DLG2: variants seen among roughly 807,000 people sequenced by gnomAD.
DLG2 encodes disks large homolog 2.
DLG2 carries 45 observed loss-of-function variants against 132.5 expected under a neutral mutation model. The observed-to-expected ratio is 0.34, with a 90% CI of 0.27 to 0.44. DLG2 has a LOEUF of 0.44. DLG2 is among the 20% of genes least tolerant of loss of function. The pLI is 1.00. For synonymous variants in DLG2, 424 were observed against 419.6 expected (o/e 1.01, Z -0.13); for missense variants, 1,045 against 1,196.9 (o/e 0.87, Z 1.87).
At chr11:85,593,862 T>C (rs2079542677) in intron 3 of DLG2, among the ~76,000 whole-genome samples, 3 of 152,196 alleles carry the variant, frequency 2.0e-5, no homozygotes, top group Admixed American at 2.0e-4. Context: ...ACCATCATTA[T>C]AATTGAATAA....
At position 84,006,410 on chromosome 11, in the gene DLG2, G is replaced by A. The variant is rs76213376; in HGVS notation, c.920-25768C>T. 6.3e-4 allele frequency among the ~76,000 whole-genome samples: 96 copies of A among 151,628 alleles called. 1 individual carries two copies. The East Asian group carries it at 0.016, about 25-fold the overall frequency. ...TGGCTATAGTTAAAAACAATGTATT[G>A]TACATTTCAAAGTAGCTAGAAGAGA... On this transcript the variant is annotated intron_variant, in intron 11 of 27. Coordinates refer to ENST00000376104, the MANE Select transcript of DLG2 (RefSeq NM_001142699.3).
intron 7 of DLG2, among the ~76,000 whole-genome samples, chr11:84,287,904 T>C (rs2097929089): frequency 6.6e-6 from 1 of 152,022 alleles, no homozygotes; most frequent in African/African-American, 2.4e-5. Context: ...CTTGGATTAC[T>C]AGTGCATGGA....
At chr11:83,588,781 A>G (rs945342885) in intron 19 of DLG2, among the ~76,000 whole-genome samples, 3 of 152,126 alleles carry the variant, frequency 2.0e-5, no homozygotes, top group African/African-American at 7.2e-5. Context: ...TAACCAATAC[A>G]GAGAAGTGCT....
chr11:84,545,508 T>C, intron 6 of DLG2: 1 of 403,762 alleles, frequency 2.5e-6, no homozygotes, highest in Non-Finnish European at 4.8e-6. Flanking sequence ...TTGGCTTCTT[T>C]GGCTCAATGA....
intron 18 of DLG2, among the ~76,000 whole-genome samples, chr11:83,706,156 T>G (rs1239618310): frequency 1.3e-5 from 2 of 151,052 alleles, no homozygotes; most frequent in Non-Finnish European, 2.9e-5. Context: ...AGGCAGAGGT[T>G]GCAGTGAGCT....
intron 5 of DLG2, among the ~76,000 whole-genome samples, chr11:85,147,999 T>C (rs979121696): frequency 4.0e-5 from 6 of 151,870 alleles, no homozygotes; most frequent in African/African-American, 1.2e-4. Context: ...TGAGAACTTG[T>C]GTTGTTTGGT....
intron 6 of DLG2, among the ~76,000 whole-genome samples, chr11:84,539,421 C>T (rs1479598007): frequency 1.3e-5 from 2 of 152,150 alleles, no homozygotes; most frequent in African/African-American, 2.4e-5. Flanking sequence ...CATTCCAAGG[C>T]TTGTCTGGTA....
intron 11 of DLG2, among the ~76,000 whole-genome samples, chr11:84,014,231 G>C (rs1013992499): frequency 6.6e-6 from 1 of 152,092 alleles, no homozygotes; most frequent in East Asian, 1.9e-4. Context: ...TCTATAAAAT[G>C]TAAGGTGAAT....
intron 7 of DLG2, among the ~76,000 whole-genome samples, chr11:84,494,194 TTG>T (rs1204596676): frequency 6.6e-6 from 1 of 152,146 alleles, no homozygotes; most frequent in Admixed American, 6.6e-5. Flanking sequence ...CAAACATTTC[TTG>T]TGTGTGGTCA....
intron 9 of DLG2, among the ~76,000 whole-genome samples, chr11:84,115,778 C>T (rs1272052686): frequency 1.3e-5 from 2 of 152,154 alleles, no homozygotes; most frequent in East Asian, 3.8e-4. Context: ...TCTTATCACC[C>T]TATTATTTTC....
At chr11:84,262,777 GT>G (rs2097564149) in intron 7 of DLG2, among the ~76,000 whole-genome samples, 1 of 152,200 alleles carries the variant, frequency 6.6e-6, no homozygotes, top group African/African-American at 2.4e-5. Flanking sequence ...AACATACAAT[GT>G]TTGGTTTTCC....
chr11:85,523,926 T>C (rs768084039), intron 3 of DLG2, among the ~76,000 whole-genome samples: 10 of 152,154 alleles, frequency 6.6e-5, no homozygotes, highest in Admixed American at 3.9e-4. Context: ...ATCATGTCAT[T>C]TGCACCAATA....
chr11:84,273,243 T>G, intron 7 of DLG2: 1 of 1,551,298 alleles, frequency 6.4e-7, no homozygotes, highest in Non-Finnish European at 8.7e-7. Flanking sequence ...CGAGAAACAC[T>G]TGGCCGTTGC....
intron 6 of DLG2, among the ~76,000 whole-genome samples, chr11:85,039,063 TA>T (rs2061635558): frequency 6.6e-6 from 1 of 152,008 alleles, no homozygotes; most frequent in South Asian, 2.1e-4. Flanking sequence ...AAATCACTTC[TA>T]AAGAGATTTT....
chr11:84,768,648 G>A (rs929966441), intron 6 of DLG2, among the ~76,000 whole-genome samples: 2 of 152,050 alleles, frequency 1.3e-5, no homozygotes, highest in African/African-American at 4.8e-5. Context: ...TCAAAGTAAA[G>A]GAGCCTGGAG....
At chr11:85,125,741 C>T (rs2075018043) in intron 5 of DLG2, among the ~76,000 whole-genome samples, 1 of 151,662 alleles carries the variant, frequency 6.6e-6, no homozygotes, top group Non-Finnish European at 1.5e-5. Context: ...GAAGGATCAC[C>T]AGGTTGGTCT....
intron 18 of DLG2, among the ~76,000 whole-genome samples, chr11:83,667,562 A>G (rs2153564164): frequency 6.6e-6 from 1 of 152,370 alleles, no homozygotes; most frequent in African/African-American, 2.4e-5. Flanking sequence ...CCAAAAATGC[A>G]GCCAGCTTGT....
chr11:84,274,536 T>C (rs2097767114), intron 7 of DLG2, among the ~76,000 whole-genome samples: 1 of 152,196 alleles, frequency 6.6e-6, no homozygotes, highest in South Asian at 2.1e-4. Context: ...GCAGCATGAT[T>C]TGGGTTACCT....
intron 4 of DLG2, among the ~76,000 whole-genome samples, chr11:85,161,468 T>C (rs1224403515): frequency 1.3e-5 from 2 of 152,176 alleles, no homozygotes; most frequent in Non-Finnish European, 2.9e-5. Flanking sequence ...GGTGTCAGGT[T>C]GATTATATTG....
Sources: gnomAD v4.1 joint callset for allele counts (sites outside exome capture counted in the v4.1 genomes callset) on GRCh38, gnomAD v4.1.1 for gene constraint, MANE v1.5 for transcripts, NCBI Gene and HGNC (gene_info 2026-07-23, HGNC 2026-07-21) for gene names.